The following TEX11 variants were observed in gnomAD, a reference collection of about 807,000 sequenced individuals.
TEX11 encodes testis expressed 11.
A neutral mutation model predicts 84.4 loss-of-function variants in TEX11; 7 were observed. The ratio of observed to expected loss-of-function variants is 0.08; its 90% confidence interval spans 0.05 to 0.16. The LOEUF (loss-of-function observed/expected upper bound fraction) is 0.16. TEX11 is among the 10% of genes least tolerant of loss of function. The pLI, the probability that TEX11 is intolerant of heterozygous loss-of-function variation, is 1.00. For missense variants in TEX11, 551 were observed against 660.5 expected (o/e 0.83, Z 1.82); for synonymous variants, 264 against 222.8 (o/e 1.18, Z -1.64).
chrX:70,788,905 TTCTAA>T (rs1360122802), intron 9 of TEX11, among the ~76,000 whole-genome samples: 2 of 87,130 alleles, frequency 2.3e-5, no homozygotes, highest in African/African-American at 8.5e-5. Flanking sequence ...GAGAAAGTAT[TTCTAA>T]TCCATATATC....
chrX:70,594,241 T>C (rs1367331421), intron 24 of TEX11, among the ~76,000 whole-genome samples: 1 of 111,024 alleles, frequency 9.0e-6, no homozygotes. Context: ...AAAATAAAAG[T>C]CTACTAATAA....
At chrX:70,759,523 T>C (rs1023976391) in intron 9 of TEX11, among the ~76,000 whole-genome samples, 1 of 111,829 alleles carries the variant, frequency 8.9e-6, no homozygotes, top group African/African-American at 3.3e-5. Flanking sequence ...CATATGATTA[T>C]CTCAATAAAT....
chrX:70,811,209 T>C (rs1428407658), intron 8 of TEX11, among the ~76,000 whole-genome samples: 1 of 104,740 alleles, frequency 9.5e-6, no homozygotes, highest in Non-Finnish European at 2.0e-5. Flanking sequence ...CAGCGTCTGA[T>C]GTTCCCCTTC....
chrX:70,558,483 G>C (rs923251738), intron 25 of TEX11, among the ~76,000 whole-genome samples: 1 of 111,879 alleles, frequency 8.9e-6, no homozygotes, highest in African/African-American at 3.2e-5. Context: ...AGAAAACAGA[G>C]GGGTAAACCT....
chrX:70,647,054 A>G (rs1296118356), intron 17 of TEX11, among the ~76,000 whole-genome samples: 1 of 111,962 alleles, frequency 8.9e-6, no homozygotes, highest in African/African-American at 3.2e-5. Flanking sequence ...TTCAGCCTCA[A>G]TAAAAGGAGG....
intron 9 of TEX11, among the ~76,000 whole-genome samples, chrX:70,751,379 A>C (rs1234537578): frequency 1.9e-5 from 2 of 104,480 alleles, no homozygotes; most frequent in African/African-American, 6.9e-5. Flanking sequence ...AAACTATCGC[A>C]AGGACAAAAA....
At chrX:70,589,753 C>T (rs997265157) in intron 25 of TEX11, among the ~76,000 whole-genome samples, 1 of 111,465 alleles carries the variant, frequency 9.0e-6, no homozygotes, top group Non-Finnish European at 1.9e-5. Context: ...AATTCCTGGC[C>T]TCATGTGATC....
At chrX:70,599,163 A>G (rs1446790586) in intron 24 of TEX11, among the ~76,000 whole-genome samples, 1 of 111,832 alleles carries the variant, frequency 8.9e-6, no homozygotes, top group Non-Finnish European at 1.9e-5. Context: ...ATATACAAAT[A>G]AAAGAAAAGA....
intron 20 of TEX11, among the ~76,000 whole-genome samples, chrX:70,615,131 C>G (rs1315059304): frequency 9.0e-6 from 1 of 110,769 alleles, no homozygotes; most frequent in African/African-American, 3.3e-5. Flanking sequence ...ATTCAGTGCC[C>G]AGATACTGAT....
intron 2 of TEX11, among the ~76,000 whole-genome samples, chrX:70,880,718 T>C (rs2091678018): frequency 9.0e-6 from 1 of 111,575 alleles, no homozygotes; most frequent in Admixed American, 9.6e-5. Context: ...AGCTAACTGC[T>C]GGCTCTGAAG....
intron 28 of TEX11, among the ~76,000 whole-genome samples, chrX:70,541,944 G>A (rs1222727047): frequency 9.0e-6 from 1 of 111,441 alleles, no homozygotes. Flanking sequence ...CTTAAGCCTG[G>A]GAGTCATCTC....
chrX:70,851,118 A>G (rs759945899), intron 7 of TEX11, among the ~76,000 whole-genome samples: 8 of 111,727 alleles, frequency 7.2e-5, no homozygotes, highest in Non-Finnish European at 1.1e-4. Flanking sequence ...ATGGAAATGT[A>G]AGGGACCCAG....
chrX:70,592,233 A>AG (rs34687060), intron 24 of TEX11, among the ~76,000 whole-genome samples: 8,651 of 111,246 alleles, frequency 0.078, 422 homozygotes, highest in Admixed American at 0.24. Flanking sequence ...CATTTATTCC[A>AG]GGAAATCTAC....
At chrX:70,880,487 G>C (rs1385233051) in intron 2 of TEX11, among the ~76,000 whole-genome samples, 1 of 110,868 alleles carries the variant, frequency 9.0e-6, no homozygotes, top group African/African-American at 3.3e-5. Flanking sequence ...TTGAGTCCAG[G>C]AGTTCAAGGC....
intron 17 of TEX11, among the ~76,000 whole-genome samples, chrX:70,631,750 A>C (rs1451030749): frequency 4.1e-5 from 3 of 72,685 alleles, no homozygotes; most frequent in African/African-American, 1.0e-4. Flanking sequence ...TTGTTAGTTC[A>C]CTGTAAAAGA....
chrX:70,570,658 A>G (rs1203114995), intron 25 of TEX11, among the ~76,000 whole-genome samples: 1 of 111,878 alleles, frequency 8.9e-6, no homozygotes, highest in Non-Finnish European at 1.9e-5. Context: ...TAGTAGGTTT[A>G]GGACTATTTA....
chrX:70,700,899 C>A (rs1301301320), intron 13 of TEX11, among the ~76,000 whole-genome samples: 2 of 111,875 alleles, frequency 1.8e-5, no homozygotes, highest in African/African-American at 6.5e-5. Flanking sequence ...GAAGATCAAC[C>A]CCAGCCACAG....
Position 70,552,168 on chromosome X carries a change from A to G in TEX11, c.2478T>C (p.Val826=). The change falls in exon 28 of 30, where the codon GTT becomes GTC. Residue 826 remains valine, a synonymous_variant. Coordinates refer to ENST00000374333, the MANE Select transcript of TEX11 (RefSeq NM_031276.3). ...SNVELCPLEE[V]WGYFEDALSH... ...TCAGAGCATCTTCAAAATAGCCCCA[A>G]ACTTCTTCCAGGGGACAGAGCTCTA... 2 of 1,211,381 alleles carry G rather than the reference A, an allele frequency of 1.7e-6. No homozygotes were observed. The highest frequency in any genetic ancestry group is 2.2e-5 in the Admixed American group (1 of 45,990).
the TEX11 span, among the ~76,000 whole-genome samples, chrX:70,520,532 T>A: frequency 8.9e-6 from 1 of 112,024 alleles, no homozygotes; most frequent in Non-Finnish European, 1.9e-5. Context: ...AGGGGCACTC[T>A]GCTGTATGAT....
Sources: allele counts gnomAD v4.1 joint callset (sites outside exome capture counted in the v4.1 genomes callset), GRCh38; gene constraint gnomAD v4.1.1; transcripts MANE v1.5; gene names NCBI Gene and HGNC (gene_info 2026-07-23, HGNC 2026-07-21).